Variants in BMERB1 observed in about 807,000 individuals in gnomAD.
The protein encoded by BMERB1 is bMERB domain-containing protein 1.
BMERB1 carries 12 observed loss-of-function variants against 23.6 expected under a neutral mutation model. The observed-to-expected ratio is 0.51, with a 90% confidence interval of 0.33 to 0.82. The LOEUF (loss-of-function observed/expected upper bound fraction) is 0.82, where lower values mean the gene tolerates loss of function less well. BMERB1 is among the 40% of genes least tolerant of loss of function. The pLI is 0.03. For missense variants in BMERB1, 247 were observed against 255.4 expected (o/e 0.97, Z 0.22); for synonymous variants, 122 against 96.6 (o/e 1.26, Z -1.54).
chr16:15,491,198 G>T (rs1362712689), intron 1 of BMERB1, among the ~76,000 whole-genome samples: 1 of 152,026 alleles, frequency 6.6e-6, no homozygotes, highest in South Asian at 2.1e-4. Flanking sequence ...TTCTTTTATT[G>T]CATTTACTGC....
At chr16:15,549,739 A>C (rs564445683) in intron 2 of BMERB1, among the ~76,000 whole-genome samples, 1 of 151,994 alleles carries the variant, frequency 6.6e-6, no homozygotes, top group Non-Finnish European at 1.5e-5. Context: ...GTCACATGAA[A>C]CAATCAGGGG....
chr16:15,572,333 G>A (rs1371548482), intron 3 of BMERB1, among the ~76,000 whole-genome samples: 2 of 152,196 alleles, frequency 1.3e-5, no homozygotes, highest in Non-Finnish European at 2.9e-5. Flanking sequence ...TGTGCGCAAT[G>A]ACAGTAGAAC....
intron 2 of BMERB1, among the ~76,000 whole-genome samples, chr16:15,515,917 A>G (rs1283295436): frequency 6.6e-6 from 1 of 152,210 alleles, no homozygotes; most frequent in Non-Finnish European, 1.5e-5. Context: ...TACAGAGCAC[A>G]GCATTCCTGA....
intron 2 of BMERB1, among the ~76,000 whole-genome samples, chr16:15,538,552 C>G (rs767244632): frequency 2.6e-5 from 4 of 152,100 alleles, no homozygotes; most frequent in Non-Finnish European, 5.9e-5. Flanking sequence ...AATGCTCATG[C>G]TGCTGCTTAG....
At chr16:15,495,001 A>T (rs1187232608) in intron 1 of BMERB1, among the ~76,000 whole-genome samples, 1 of 143,464 alleles carries the variant, frequency 7.0e-6, no homozygotes, top group Non-Finnish European at 1.5e-5. Flanking sequence ...CTTGTGCCTC[A>T]GCCTCCAGAG....
chr16:15,495,006 C>A (rs1477816411), intron 1 of BMERB1, among the ~76,000 whole-genome samples: 1 of 148,440 alleles, frequency 6.7e-6, no homozygotes, highest in Admixed American at 6.8e-5. Context: ...GCCTCAGCCT[C>A]CAGAGTAGCT....
rs551592482 is a variant in BMERB1 at position 15,479,116 on chromosome 16, A to G, written c.107-36189A>G. 3.2e-4 allele frequency among the ~76,000 whole-genome samples: 49 copies of G among 152,352 alleles called. 3 individuals carry two copies. The Middle Eastern group carries it at 0.024, about 74-fold the overall frequency. ...TAAATAAGCCTGTCACTTCAAGGAAAACAACTGACAGTGTTTGTTGCTGGT... is the reference window on the plus strand; with the variant it reads ...TAAATAAGCCTGTCACTTCAAGGAAGACAACTGACAGTGTTTGTTGCTGGT... On this transcript the variant is annotated intron_variant, in intron 1 of 5. Coordinates refer to ENST00000300006, the MANE Select transcript of BMERB1 (RefSeq NM_033201.3).
rs190576819 is a variant in BMERB1, at chr16:15,562,829, C to A, written c.231-5154C>A. Among the ~76,000 whole-genome samples, 11 of 152,314 alleles carry A rather than the reference C, an allele frequency of 7.2e-5. No individual in the cohort carries two copies. In the East Asian group the frequency reaches 2.1e-3, roughly 29 times the overall value. On this transcript the variant is annotated intron_variant, in intron 2 of 5. Coordinates refer to ENST00000300006, the MANE Select transcript of BMERB1 (RefSeq NM_033201.3). ...ACAGTCTGTGCCCTCCCGGCAAGTC[C>A]ACGCTCATTCGAGGCAGCTGTCACC...
chr16:15,511,825 A>G (rs2051669351), intron 1 of BMERB1, among the ~76,000 whole-genome samples: 1 of 152,118 alleles, frequency 6.6e-6, no homozygotes, highest in African/African-American at 2.4e-5. Flanking sequence ...CAGCCTGGCC[A>G]AAATGGCGAA....
At chr16:15,525,057 T>C (rs1216097202) in intron 2 of BMERB1, among the ~76,000 whole-genome samples, 1 of 152,190 alleles carries the variant, frequency 6.6e-6, no homozygotes, top group Non-Finnish European at 1.5e-5. Context: ...CTTCGATGTA[T>C]GTGTCTGCAA....
intron 2 of BMERB1, among the ~76,000 whole-genome samples, chr16:15,557,637 C>A (rs537535670): frequency 1.3e-5 from 2 of 152,342 alleles, no homozygotes; most frequent in South Asian, 4.1e-4. Flanking sequence ...CCAGCTGTCT[C>A]TGTTTGCCTG....
At chr16:15,523,568 A>G (rs1035485880) in intron 2 of BMERB1, among the ~76,000 whole-genome samples, 4 of 152,112 alleles carry the variant, frequency 2.6e-5, no homozygotes, top group South Asian at 4.1e-4. Flanking sequence ...GGTCTCAGTC[A>G]TCAAGCTGTG....
intron 3 of BMERB1, among the ~76,000 whole-genome samples, chr16:15,573,230 A>G (rs1044263863): frequency 1.1e-4 from 16 of 152,316 alleles, no homozygotes; most frequent in East Asian, 7.7e-4. Flanking sequence ...GACCTCCTCA[A>G]TGGCTTATAG....
intron 3 of BMERB1, among the ~76,000 whole-genome samples, chr16:15,580,526 A>G (rs2030980191): frequency 6.6e-6 from 1 of 150,670 alleles, no homozygotes; most frequent in East Asian, 1.9e-4. Context: ...TCTCCAATCA[A>G]TCCTGGCCGC....
At chr16:15,499,641 C>T (rs1284256932) in intron 1 of BMERB1, among the ~76,000 whole-genome samples, 1 of 151,006 alleles carries the variant, frequency 6.6e-6, no homozygotes, top group East Asian at 2.0e-4. Context: ...TCTGTGGACA[C>T]CTTCTCTCTG....
intron 2 of BMERB1, among the ~76,000 whole-genome samples, chr16:15,565,167 C>T (rs1042728764): frequency 1.1e-4 from 16 of 152,122 alleles, no homozygotes; most frequent in African/African-American, 1.4e-4. Context: ...TCAGCAGCCC[C>T]GGCCCTTGAT....
intron 1 of BMERB1, among the ~76,000 whole-genome samples, chr16:15,445,406 G>A (rs2050980670): frequency 6.6e-6 from 1 of 152,150 alleles, no homozygotes; most frequent in Non-Finnish European, 1.5e-5. Flanking sequence ...ATTTAATAAG[G>A]GTGTGTGAGT....
intron 1 of BMERB1, among the ~76,000 whole-genome samples, chr16:15,483,471 C>T (rs532630478): frequency 6.6e-6 from 1 of 152,248 alleles, no homozygotes; most frequent in East Asian, 1.9e-4. Context: ...CCTCTGCCTC[C>T]TGGGTTCAAG....
intron 4 of BMERB1, among the ~76,000 whole-genome samples, chr16:15,581,780 G>A (rs7206414): frequency 0.061 from 9,292 of 152,230 alleles, 973 homozygotes; most frequent in African/African-American, 0.21. Context: ...CTAAGTATCA[G>A]GGTCTTCTCT....
Sources: gnomAD v4.1 joint callset for allele counts (sites outside exome capture counted in the v4.1 genomes callset) on GRCh38, gnomAD v4.1.1 for gene constraint, MANE v1.5 for transcripts, NCBI Gene and HGNC (gene_info 2026-07-23, HGNC 2026-07-21) for gene names.